The following SKP2 variants were observed in gnomAD, a reference collection of about 807,000 sequenced individuals.
SKP2 encodes S-phase kinase associated protein 2.
SKP2 carries 16 observed loss-of-function variants against 51.8 expected under a neutral mutation model. The observed-to-expected ratio is 0.31, with a 90% confidence interval of 0.21 to 0.47. The LOEUF is 0.47. Among genes scored for constraint, SKP2 ranks in the 20% least tolerant of loss-of-function variants. The pLI is 1.00. For synonymous variants in SKP2, 176 were observed against 198.6 expected (o/e 0.89, Z 0.96); for missense variants, 377 against 505.3 (o/e 0.75, Z 2.43).
In SKP2 at chr5:36,184,206, C is replaced by A; in HGVS notation, c.*2175C>A. On this transcript the variant is annotated 3_prime_UTR_variant, in exon 10 of 10. Coordinates refer to ENST00000274255, the MANE Select transcript of SKP2 (RefSeq NM_005983.4). Reference sequence around the variant, plus strand: ...ACCCATCTACTTCATATGCTTGTCACATTAAAAAAAAAAGTTTATAATGCC... The same window carrying A: ...ACCCATCTACTTCATATGCTTGTCAAATTAAAAAAAAAAGTTTATAATGCC... 2 of 354,174 alleles carry A rather than the reference C, an allele frequency of 5.6e-6. No homozygotes were observed. The highest frequency in any genetic ancestry group is 1.0e-5 in the Non-Finnish European group (2 of 199,192). The allele number at this position is 354,174 out of a possible 1,614,324, so 21.9% of individuals were successfully genotyped here.
intron 3 of SKP2, among the ~76,000 whole-genome samples, chr5:36,164,811 A>G (rs1005952667): frequency 6.6e-6 from 1 of 152,168 alleles, no homozygotes. Context: ...ATTTTATTGT[A>G]TATATTTAAG....
chr5:36,188,369 G>A (rs191651434), downstream of SKP2, among the ~76,000 whole-genome samples: 65 of 152,280 alleles, frequency 4.3e-4, no homozygotes, highest in African/African-American at 1.4e-3. Context: ...GGCTGGTACC[G>A]GTTGTTCCTT....
At position 36,152,155 on chromosome 5, in the gene SKP2, G is replaced by C. The variant is rs867611230; in HGVS notation, c.-108G>C. 2.7e-4 allele frequency: 317 copies of C among 1,166,366 alleles called. 5 individuals are homozygous for C. The Middle Eastern group carries it at 5.1e-3, about 19-fold the overall frequency. The allele number at this position is 1,166,366 out of a possible 1,614,324, so 72.3% of individuals were successfully genotyped here. On this transcript the variant is annotated 5_prime_UTR_variant, in exon 1 of 10. Transcript: ENST00000274255. ...TAGGCTTAGCGGGTCTGGCTGCTGG[G>C]GGCCCGAGCAGCACGCTCGGAGCCG...
rs1187454343 is a variant in SKP2 at position 36,183,919 on chromosome 5, A to G, written c.*1888A>G. On this transcript the variant is annotated 3_prime_UTR_variant, in exon 10 of 10. Transcript: ENST00000274255. The stretch of plus-strand genomic sequence containing the variant: ...TCAAACATACAGAACTTCCAAACTC[A>G]AGTCCAGCCATAAGCTATTTTGCCA... The G allele has an allele frequency of 1.1e-5, 18 of 1,611,574 alleles. No homozygotes were observed. Among genetic ancestry groups the G allele is most frequent in the Admixed American group, 1.7e-5 (1 of 59,938 alleles).
At chr5:36,167,373 C>G (rs559606180) in intron 4 of SKP2, among the ~76,000 whole-genome samples, 1 of 152,248 alleles carries the variant, frequency 6.6e-6, no homozygotes, top group African/African-American at 2.4e-5. Context: ...GTCTCCTTCA[C>G]ATATGTGATT....
intron 3 of SKP2, among the ~76,000 whole-genome samples, chr5:36,165,561 G>T (rs1006870010): frequency 1.3e-5 from 2 of 152,128 alleles, no homozygotes; most frequent in African/African-American, 4.8e-5. Flanking sequence ...ATGGATTTCT[G>T]TCTGGGCAAG....
At chr5:36,192,574 A>G (rs1746058123) in intron 6 of SKP2, 1 of 152,236 alleles carries the variant, frequency 6.6e-6, no homozygotes, top group South Asian at 2.1e-4. Flanking sequence ...TGCTTATTAA[A>G]AAGTGAAATC....
chr5:36,178,504 A>G (rs1323575028), intron 9 of SKP2, among the ~76,000 whole-genome samples: 3 of 152,064 alleles, frequency 2.0e-5, no homozygotes, highest in South Asian at 2.1e-4. Flanking sequence ...CTAAAATAGG[A>G]TGGCAGGATT....
intron 2 of SKP2, among the ~76,000 whole-genome samples, chr5:36,159,535 G>T (rs770430226): frequency 1.3e-5 from 2 of 152,012 alleles, no homozygotes; most frequent in Non-Finnish European, 2.9e-5. Context: ...TTCCATGCCT[G>T]AGGGCTTTCT....
intron 2 of SKP2, among the ~76,000 whole-genome samples, chr5:36,160,609 A>G (rs1745093066): frequency 6.6e-6 from 1 of 152,228 alleles, no homozygotes; most frequent in African/African-American, 2.4e-5. Context: ...ATAGCTAAAT[A>G]TAGTTATGCC....
chr5:36,170,592 T>C (rs1245380199), intron 6 of SKP2, 150 bp downstream of exon 6: 2 of 536,992 alleles, frequency 3.7e-6, no homozygotes, highest in Non-Finnish European at 6.6e-6. Flanking sequence ...CCTCCTAACT[T>C]TCTGTCCAAA....
intron 2 of SKP2, among the ~76,000 whole-genome samples, chr5:36,159,269 A>G (rs532392604): frequency 1.3e-5 from 2 of 152,212 alleles, no homozygotes; most frequent in Admixed American, 6.5e-5. Flanking sequence ...TGACCTCTGC[A>G]TTCATCACTA....
intron 2 of SKP2, among the ~76,000 whole-genome samples, chr5:36,154,949 T>G (rs753188565): frequency 5.3e-5 from 8 of 152,178 alleles, no homozygotes; most frequent in Non-Finnish European, 1.0e-4. Context: ...GAAGAGGTGA[T>G]CAGAGTCTAA....
chr5:36,180,297 A>G, intron 9 of SKP2: 1 of 1,319,268 alleles, frequency 7.6e-7, no homozygotes, highest in Non-Finnish European at 1.0e-6. Flanking sequence ...ATCGTAAGTG[A>G]TTAAGTATAA....
intron 2 of SKP2, among the ~76,000 whole-genome samples, chr5:36,162,344 A>T (rs952708021): frequency 4.6e-5 from 7 of 152,192 alleles, no homozygotes; most frequent in African/African-American, 1.4e-4. Context: ...AGATACTCAC[A>T]GGGCTCACTC....
intron 2 of SKP2, 99 bp from the exon 3 acceptor site, chr5:36,163,546 T>C (rs180962878): frequency 2.8e-6 from 2 of 703,254 alleles, no homozygotes; most frequent in East Asian, 5.1e-5. Flanking sequence ...ATTCCTCATT[T>C]AAGCTAAATG....
Position 36,182,119 on chromosome 5 carries a change from C to A in SKP2, c.*88C>A. The A allele has an allele frequency of 6.6e-7, 1 of 1,517,030 alleles. No homozygotes were observed. The highest frequency in any genetic ancestry group is 1.3e-5 in the South Asian group (1 of 78,122). 94.0% of individuals were successfully genotyped at this position (1,517,030 alleles called of 1,614,324 possible). A position where few individuals can be genotyped will look rare whatever the true frequency, so the allele number is the denominator to read the frequency against. On this transcript the variant is annotated 3_prime_UTR_variant, in exon 10 of 10. Coordinates refer to ENST00000274255, the MANE Select transcript of SKP2 (RefSeq NM_005983.4). ...GCTGGAGTACTTAGCTAGTTTTATT[C>A]TTGGTTTTCCCTTTGCCTTCATTCT... is the stretch of plus-strand genomic sequence containing the variant.
In SKP2 at chr5:36,189,701, C is replaced by T. The variant is rs149011125; in HGVS notation, c.633-2920C>T. On this transcript the variant is annotated intron_variant, in intron 6 of 7. Coordinates refer to the SKP2 transcript ENST00000677886. ...CTTGAGAAGGCATTCTGTCCATTCT[C>T]AGATCTCAAACTCTGTGCTGGGAGA... Among the ~76,000 whole-genome samples the T allele has an allele frequency of 0.012, 1,852 of 152,340 alleles. 156 individuals carry two copies. In the East Asian group the frequency reaches 0.21, roughly 18 times the overall value.
chr5:36,184,467 T>G (rs1002126612), downstream of SKP2: 13 of 152,226 alleles, frequency 8.5e-5, no homozygotes, highest in African/African-American at 3.1e-4. Context: ...TGTGTCCAGG[T>G]GTTCTCGTTG....
Sources: gnomAD v4.1 joint callset for allele counts (sites outside exome capture counted in the v4.1 genomes callset) on GRCh38, gnomAD v4.1.1 for gene constraint, MANE v1.5 for transcripts, NCBI Gene and HGNC (gene_info 2026-07-23, HGNC 2026-07-21) for gene names.